PTPRD: variants seen among roughly 807,000 people sequenced by gnomAD.
PTPRD encodes receptor-type tyrosine-protein phosphatase delta.
PTPRD carries 34 observed loss-of-function variants against 214.5 expected under a neutral mutation model. That is an observed-to-expected ratio of 0.16 (90% CI 0.12 to 0.21). The LOEUF (loss-of-function observed/expected upper bound fraction) is 0.21. Among genes scored for constraint, PTPRD ranks in the 10% least tolerant of loss-of-function variants. PTPRD has a pLI of 1.00. For synonymous variants in PTPRD, 1,128 were observed against 845.7 expected (o/e 1.33, Z -5.79); for missense variants, 2,545 against 2,398.7 (o/e 1.06, Z -1.27).
chr9:8,450,352 T>C (rs977413178), intron 33 of PTPRD, among the ~76,000 whole-genome samples: 3 of 152,136 alleles, frequency 2.0e-5, no homozygotes, highest in Non-Finnish European at 4.4e-5. Flanking sequence ...TAAACACAAG[T>C]GCATTTTTAA....
chr9:9,078,567 T>C (rs190242820), intron 10 of PTPRD, among the ~76,000 whole-genome samples: 7 of 152,244 alleles, frequency 4.6e-5, no homozygotes, highest in African/African-American at 1.7e-4. Flanking sequence ...TTTTTTATTA[T>C]AAAACCTTTC....
intron 15 of PTPRD, 41 bp from the exon 16 acceptor site, chr9:8,527,394 ATAT>A (rs781485574): frequency 2.5e-6 from 4 of 1,573,594 alleles, no homozygotes; most frequent in African/African-American, 1.4e-5. Context: ...CAGCATAAAA[ATAT>A]TATTATATTC....
intron 6 of PTPRD, among the ~76,000 whole-genome samples, chr9:9,740,993 C>T (rs985803408): frequency 6.6e-6 from 1 of 151,908 alleles, no homozygotes; most frequent in East Asian, 1.9e-4. Context: ...GAATTTCAGA[C>T]GCGATTTGAG....
intron 5 of PTPRD, among the ~76,000 whole-genome samples, chr9:9,787,244 A>G (rs1481851201): frequency 6.6e-6 from 1 of 152,064 alleles, no homozygotes; most frequent in Admixed American, 6.6e-5. Flanking sequence ...AAACAGTACT[A>G]CACAACAGTG....
intron 39 of PTPRD, among the ~76,000 whole-genome samples, chr9:8,362,097 G>C (rs1456933439): frequency 6.6e-6 from 1 of 152,172 alleles, no homozygotes; most frequent in African/African-American, 2.4e-5. Context: ...CAGTATGCAG[G>C]CCACAAAGCT....
intron 3 of PTPRD, among the ~76,000 whole-genome samples, chr9:10,299,405 T>C (rs1224626981): frequency 6.6e-6 from 1 of 152,176 alleles, no homozygotes; most frequent in Non-Finnish European, 1.5e-5. Flanking sequence ...TAATTTCAGC[T>C]ACCCTATAAA....
intron 12 of PTPRD, among the ~76,000 whole-genome samples, chr9:8,653,767 A>G (rs1162571780): frequency 1.3e-5 from 2 of 152,310 alleles, no homozygotes; most frequent in South Asian, 2.1e-4. Flanking sequence ...GCCATCAAAC[A>G]TGAACTTGAT....
chr9:8,531,869 T>C (rs770790478), intron 14 of PTPRD, among the ~76,000 whole-genome samples: 1 of 152,088 alleles, frequency 6.6e-6, no homozygotes, highest in African/African-American at 2.4e-5. Context: ...ATAAGAAATA[T>C]AGTCCTCACC....
At chr9:10,405,264 AC>A (rs1354568859) in intron 2 of PTPRD, among the ~76,000 whole-genome samples, 1 of 151,704 alleles carries the variant, frequency 6.6e-6, no homozygotes, top group African/African-American at 2.4e-5. Context: ...TTCGAAAGCT[AC>A]CATGCATCTT....
chr9:9,241,538 G>A, intron 9 of PTPRD, among the ~76,000 whole-genome samples: 1 of 152,098 alleles, frequency 6.6e-6, no homozygotes, highest in East Asian at 1.9e-4. Context: ...GGAGAAACTG[G>A]TCTCATACCT....
chr9:9,164,610 C>T (rs2099897961), intron 10 of PTPRD, among the ~76,000 whole-genome samples: 1 of 152,122 alleles, frequency 6.6e-6, no homozygotes. Context: ...AATCTTTTCT[C>T]TTCCCTTCTT....
chr9:10,567,266 C>T (rs2065910046), intron 2 of PTPRD, among the ~76,000 whole-genome samples: 1 of 151,746 alleles, frequency 6.6e-6, no homozygotes, highest in Admixed American at 6.6e-5. Context: ...ACTGTGGTCA[C>T]AAAATGAAAA....
intron 18 of PTPRD, 146 bp downstream of exon 18, chr9:8,524,779 C>G (rs533357018): frequency 2.5e-6 from 2 of 784,490 alleles, no homozygotes; most frequent in Non-Finnish European, 4.6e-6. Flanking sequence ...AAATTTTTAA[C>G]TTTTCTATTT....
intron 3 of PTPRD, among the ~76,000 whole-genome samples, chr9:10,274,652 A>G (rs1202087300): frequency 6.6e-6 from 1 of 152,208 alleles, no homozygotes; most frequent in East Asian, 1.9e-4. Flanking sequence ...ACAAATGTCT[A>G]GTAGCTTAAG....
At chr9:9,131,886 A>G (rs1041238090) in intron 10 of PTPRD, among the ~76,000 whole-genome samples, 4 of 151,882 alleles carry the variant, frequency 2.6e-5, no homozygotes, top group African/African-American at 9.7e-5. Flanking sequence ...GGTATCAGTG[A>G]AATAAGGCTT....
At chr9:9,258,729 T>C (rs4560852) in intron 9 of PTPRD, among the ~76,000 whole-genome samples, 13,252 of 151,878 alleles carry the variant, frequency 0.087, 1,252 homozygotes, top group East Asian at 0.48. Flanking sequence ...GTTTACATTA[T>C]ACAGCAGCAT....
chr9:9,110,327 C>T (rs1444896919), intron 10 of PTPRD, among the ~76,000 whole-genome samples: 1 of 152,032 alleles, frequency 6.6e-6, no homozygotes, highest in Admixed American at 6.6e-5. Context: ...CATCTGGGAG[C>T]ATTATAGATA....
At chr9:8,345,332 G>T (rs1856562099) in intron 39 of PTPRD, among the ~76,000 whole-genome samples, 1 of 152,038 alleles carries the variant, frequency 6.6e-6, no homozygotes, top group Non-Finnish European at 1.5e-5. Context: ...AGACTCAAAT[G>T]CAGGTTCTGA....
At chr9:9,362,645 T>G (rs2056597349) in intron 9 of PTPRD, among the ~76,000 whole-genome samples, 2 of 151,170 alleles carry the variant, frequency 1.3e-5, no homozygotes, top group Non-Finnish European at 3.0e-5. Flanking sequence ...TAAGAACAAT[T>G]TTTAGTTGAC....
Sources: gnomAD v4.1 joint callset for allele counts (sites outside exome capture counted in the v4.1 genomes callset) on GRCh38, gnomAD v4.1.1 for gene constraint, MANE v1.5 for transcripts, NCBI Gene and HGNC (gene_info 2026-07-23, HGNC 2026-07-21) for gene names.